Variants in PDE11A observed in about 807,000 individuals in gnomAD.
PDE11A encodes dual 3',5'-cyclic-AMP and -GMP phosphodiesterase 11A.
In PDE11A, 100 loss-of-function variants were observed where a neutral mutation model predicts 100.5. That is an observed-to-expected ratio of 1.00 (90% CI 0.85 to 1.18). PDE11A has a LOEUF of 1.18. PDE11A is among the 50% of genes most tolerant of loss of function. The probability of loss-of-function intolerance (pLI) is 0.00; values close to 1 mark genes in which losing one functional copy is unlikely to be tolerated. For synonymous variants in PDE11A, 381 were observed against 420.8 expected (o/e 0.91, Z 1.16); for missense variants, 1,141 against 1,152.6 (o/e 0.99, Z 0.15).
chr2:177,792,460 C>T (rs1464094889), intron 9 of PDE11A, among the ~76,000 whole-genome samples: 2 of 152,140 alleles, frequency 1.3e-5, no homozygotes, highest in African/African-American at 2.4e-5. Context: ...CCTCTCCCCC[C>T]ATGGTTTTTG....
intron 10 of PDE11A, among the ~76,000 whole-genome samples, chr2:177,749,742 A>G (rs1243574402): frequency 6.6e-6 from 1 of 152,216 alleles, no homozygotes; most frequent in Admixed American, 6.5e-5. Flanking sequence ...TATTATTTTC[A>G]TTATACCTAA....
At chr2:177,727,898 AGTAAT>A in intron 11 of PDE11A, 123 bp downstream of exon 11, 1 of 1,001,056 alleles carries the variant, frequency 1.0e-6, no homozygotes, top group Non-Finnish European at 1.6e-6. Flanking sequence ...TGGTTCTCAC[AGTAAT>A]CCCATGAGGT....
chr2:177,811,586 C>G (rs2082949791), intron 9 of PDE11A, among the ~76,000 whole-genome samples: 1 of 121,382 alleles, frequency 8.2e-6, no homozygotes, highest in South Asian at 2.5e-4. Context: ...TATTTCTCAC[C>G]ATGTGTGGAT....
intron 1 of PDE11A, among the ~76,000 whole-genome samples, chr2:178,025,078 T>C (rs1010680130): frequency 8.5e-5 from 13 of 152,208 alleles, no homozygotes; most frequent in African/African-American, 2.2e-4. Context: ...AGTGAAAAAT[T>C]ATCATTGTTG....
intron 15 of PDE11A, among the ~76,000 whole-genome samples, chr2:177,685,298 A>G (rs1021251557): frequency 1.3e-5 from 2 of 152,240 alleles, no homozygotes; most frequent in Non-Finnish European, 2.9e-5. Flanking sequence ...TAAGTAAACA[A>G]CACAAAATCT....
chr2:177,911,861 G>A (rs1472628078), intron 2 of PDE11A, among the ~76,000 whole-genome samples: 1 of 151,446 alleles, frequency 6.6e-6, no homozygotes, highest in Non-Finnish European at 1.5e-5. Flanking sequence ...TCCAGCCTGG[G>A]TGAAAGAGTG....
intron 1 of PDE11A, among the ~76,000 whole-genome samples, chr2:178,051,007 C>G (rs1320658120): frequency 6.6e-6 from 1 of 152,092 alleles, no homozygotes; most frequent in Non-Finnish European, 1.5e-5. Flanking sequence ...ACAGAGAGAA[C>G]GCCACAAAGA....
At chr2:177,969,398 C>T (rs575469590) in intron 2 of PDE11A, among the ~76,000 whole-genome samples, 81 of 152,174 alleles carry the variant, frequency 5.3e-4, no homozygotes, top group African/African-American at 1.9e-3. Flanking sequence ...CAAACCTGCA[C>T]ATTCTGCACA....
chr2:177,769,229 G>T, intron 10 of PDE11A, 94 bp downstream of exon 10: 1 of 801,716 alleles, frequency 1.2e-6, no homozygotes, highest in Non-Finnish European at 2.3e-6. Flanking sequence ...CTCCCAATGG[G>T]CAGGATTAAT....
intron 9 of PDE11A, among the ~76,000 whole-genome samples, chr2:177,783,532 CTT>C (rs1335145743): frequency 6.6e-6 from 1 of 152,060 alleles, no homozygotes; most frequent in Non-Finnish European, 1.5e-5. Context: ...TTACTACTAC[CTT>C]TTTTCCTGAG....
chr2:177,848,625 G>T (rs1039498500), intron 5 of PDE11A, among the ~76,000 whole-genome samples: 1 of 152,142 alleles, frequency 6.6e-6, no homozygotes, highest in Non-Finnish European at 1.5e-5. Flanking sequence ...CAAATATATT[G>T]ACTGTGGAGG....
Position 177,719,099 on chromosome 2 carries a change from C to G in PDE11A, c.2044-7221G>C, listed in dbSNP as rs114426019. Among the ~76,000 whole-genome samples the G allele has an allele frequency of 2.2e-3, 342 of 152,258 alleles. 1 individual carries two copies. Among genetic ancestry groups the G allele is most frequent in the African/African-American group, 7.8e-3 (326 of 41,540 alleles). The stretch of plus-strand genomic sequence containing the variant: ...CAGAACTGGTAGGAATGTCCAGCTC[C>G]TCCTGCTTGGTTTCTGGAGGAGGTG... On this transcript the variant is annotated intron_variant, in intron 12 of 19. Coordinates refer to ENST00000286063, the MANE Select transcript of PDE11A (RefSeq NM_016953.4).
At chr2:177,997,369 T>C in intron 2 of PDE11A, 1 of 836,730 alleles carries the variant, frequency 1.2e-6, no homozygotes, top group Non-Finnish European at 2.1e-6. Context: ...ATTTCTGGGG[T>C]GGTGAACCTG....
At chr2:177,847,031 A>G (rs1253970708) in intron 5 of PDE11A, among the ~76,000 whole-genome samples, 2 of 152,186 alleles carry the variant, frequency 1.3e-5, no homozygotes, top group African/African-American at 4.8e-5. Flanking sequence ...CATGTCACCC[A>G]TGATCATCCA....
At chr2:177,955,142 G>C (rs2085546552) in intron 2 of PDE11A, among the ~76,000 whole-genome samples, 1 of 152,116 alleles carries the variant, frequency 6.6e-6, no homozygotes, top group Non-Finnish European at 1.5e-5. Context: ...TTTTCTCTTA[G>C]ATTTTTCCCG....
chr2:177,879,437 A>C (rs1392686367), intron 4 of PDE11A, among the ~76,000 whole-genome samples: 3 of 152,226 alleles, frequency 2.0e-5, no homozygotes, highest in Admixed American at 6.5e-5. Context: ...CTTTCAATAC[A>C]ACAAATACGT....
chr2:177,831,117 A>G (rs1438063), intron 6 of PDE11A, among the ~76,000 whole-genome samples: 60,072 of 151,978 alleles, frequency 0.4, 13,036 homozygotes, highest in African/African-American at 0.57. Flanking sequence ...ACTATGGCTC[A>G]CCTGCTAAGT....
At chr2:177,933,673 T>G (rs10165299) in intron 2 of PDE11A, among the ~76,000 whole-genome samples, 13,135 of 151,898 alleles carry the variant, frequency 0.086, 541 homozygotes, top group South Asian at 0.1. Flanking sequence ...AGAGTGAGAC[T>G]CCATAAAAAA....
chr2:177,841,431 C>T (rs925822999), intron 5 of PDE11A, among the ~76,000 whole-genome samples: 3 of 152,178 alleles, frequency 2.0e-5, no homozygotes, highest in African/African-American at 7.2e-5. Context: ...AATGAGTATA[C>T]TACAGCAAGA....
Sources: allele counts gnomAD v4.1 joint callset (sites outside exome capture counted in the v4.1 genomes callset), GRCh38; gene constraint gnomAD v4.1.1; transcripts MANE v1.5; gene names NCBI Gene and HGNC (gene_info 2026-07-23, HGNC 2026-07-21).